The following FAM184B variants were observed in gnomAD, a reference collection of about 807,000 sequenced individuals.
The protein encoded by FAM184B is protein FAM184B.
In FAM184B, 111 loss-of-function variants were observed where a neutral mutation model predicts 135.9. The observed-to-expected ratio is 0.82, with a 90% CI of 0.70 to 0.96. The LOEUF (loss-of-function observed/expected upper bound fraction) is 0.96. FAM184B is among the 40% of genes least tolerant of loss of function. The pLI, the probability that FAM184B is intolerant of heterozygous loss-of-function variation, is 0.00. For missense variants in FAM184B, 1,375 were observed against 1,323.9 expected, an observed-to-expected ratio of 1.04 and a Z score of -0.60; for synonymous variants, 552 against 524.8, an observed-to-expected ratio of 1.05 and a Z score of -0.71.
At chr4:17,778,261 C>G (rs1439394204) in intron 1 of FAM184B, among the ~76,000 whole-genome samples, 1 of 152,158 alleles carries the variant, frequency 6.6e-6, no homozygotes, top group South Asian at 2.1e-4. Context: ...ACCAGCAACA[C>G]TTAGTACCAG....
chr4:17,716,469 A>T (rs1717403251), intron 1 of FAM184B, among the ~76,000 whole-genome samples: 2 of 151,814 alleles, frequency 1.3e-5, no homozygotes, highest in South Asian at 2.1e-4. Flanking sequence ...CAGCCTCCTG[A>T]GTACCTGGGA....
chr4:17,631,194 C>T lies in FAM184B; in HGVS notation c.*1338G>A, dbSNP rs138777171. ...AGGCAAATGGCTCAAACCCAAAGAC[C>T]AGAGGTTCAGGGGATATATATATAT... On this transcript the variant is annotated 3_prime_UTR_variant, in exon 18 of 18. Transcript: ENST00000265018. 6.6e-6 allele frequency: 1 copy of T among 152,200 alleles called. No homozygotes were observed. The highest frequency in any genetic ancestry group is 2.4e-5 in the African/African-American group (1 of 41,488). 9.4% of individuals were successfully genotyped at this position (152,200 alleles called of 1,614,324 possible).
At position 17,633,871 on chromosome 4, in the gene FAM184B, G is replaced by GTCC. The variant is rs1560162299; in HGVS notation, c.2904_2906dup (p.Glu968dup). The stretch of plus-strand genomic sequence containing the variant: ...GCACGCTGACCACGCGGCTGGGCAC[G>GTCC]TCCTCCACCTTCTTTTTCTGTTTGT... On this transcript the variant is annotated inframe_insertion, in exon 17 of 18. Transcript: ENST00000265018. The GTCC allele has an allele frequency of 1.3e-6, 2 of 1,549,234 alleles. No homozygotes were observed. The highest frequency in any genetic ancestry group is 1.7e-6 in the Non-Finnish European group (2 of 1,145,908).
chr4:17,691,685 CAAA>C (rs56857959), intron 6 of FAM184B, among the ~76,000 whole-genome samples: 42,159 of 91,874 alleles, frequency 0.46, 6,580 homozygotes, highest in South Asian at 0.52. Context: ...GATTCCATCT[CAAA>C]AAAAAAAAAA....
intron 1 of FAM184B, among the ~76,000 whole-genome samples, chr4:17,743,542 C>G (rs1329400228): frequency 1.3e-5 from 2 of 152,192 alleles, no homozygotes; most frequent in Non-Finnish European, 2.9e-5. Context: ...CCTCTTCACT[C>G]CTGCGGTGAT....
chr4:17,636,695 C>G, intron 14 of FAM184B, 50 bp from the exon 15 acceptor site: 1 of 1,404,096 alleles, frequency 7.1e-7, no homozygotes. Flanking sequence ...AATTACTCAA[C>G]AAAGAGGGAG....
chr4:17,737,468 A>G (rs1717939083), intron 1 of FAM184B, among the ~76,000 whole-genome samples: 1 of 152,186 alleles, frequency 6.6e-6, no homozygotes, highest in Admixed American at 6.5e-5. Context: ...TTAAAAAATG[A>G]TACCTGATTT....
intron 12 of FAM184B, among the ~76,000 whole-genome samples, chr4:17,645,534 C>T (rs550193456): frequency 4.0e-4 from 61 of 152,122 alleles, no homozygotes; most frequent in African/African-American, 1.4e-3. Context: ...ATGTAGAAAG[C>T]TGAAACTGGA....
intron 1 of FAM184B, 39 bp from the exon 2 acceptor site, chr4:17,709,683 G>T (rs573438964): frequency 1.4e-6 from 2 of 1,450,772 alleles, no homozygotes; most frequent in East Asian, 2.5e-5. Flanking sequence ...GGGTGAGGGG[G>T]CTGGGGTGTG....
rs1371059644 is a variant in FAM184B, at chr4:17,773,424, C to CTTGA, written c.141+7731_141+7734dup. Among the ~76,000 whole-genome samples, 6 of 152,230 alleles carry CTTGA rather than the reference C, an allele frequency of 3.9e-5. No individual in the cohort carries two copies. The East Asian group carries it at 1.2e-3, about 29-fold the overall frequency. ...CCATGAGGTTATTCGACTCCTTATA[C>CTTGA]TTGAGCTTGGCAGCTTCTGGCACTA... On this transcript the variant is annotated intron_variant, in intron 1 of 17. Transcript: ENST00000265018.
At chr4:17,659,518 G>A (rs1196033933) in intron 9 of FAM184B, among the ~76,000 whole-genome samples, 1 of 151,808 alleles carries the variant, frequency 6.6e-6, no homozygotes, top group Non-Finnish European at 1.5e-5. Context: ...ACAGAGTCTT[G>A]CTCTGTCACC....
intron 5 of FAM184B, among the ~76,000 whole-genome samples, chr4:17,701,060 A>T (rs1445503685): frequency 6.6e-6 from 1 of 152,220 alleles, no homozygotes; most frequent in Non-Finnish European, 1.5e-5. Context: ...TTTGACAGTG[A>T]GACTGCTCTC....
At chr4:17,742,161 TA>T (rs1553841685) in intron 1 of FAM184B, among the ~76,000 whole-genome samples, 210 of 27,612 alleles carry the variant, frequency 7.6e-3, no homozygotes, top group African/African-American at 0.014. Flanking sequence ...TATATATATA[TA>T]TATATATTTT....
intron 16 of FAM184B, 78 bp from the exon 17 acceptor site, chr4:17,633,966 C>CT: frequency 1.7e-6 from 2 of 1,159,328 alleles, no homozygotes; most frequent in Non-Finnish European, 2.3e-6. Context: ...GCAAATAATG[C>CT]TCACCCAATC....
At position 17,632,004 on chromosome 4, in the gene FAM184B, T is replaced by C. The variant is rs1714960462; in HGVS notation, c.*528A>G. Reference sequence around the variant, plus strand: ...GGTCATTAGTAACGCTAATAACATTTTCCTATAGATGACTTTTAATAACAC... The same window carrying C: ...GGTCATTAGTAACGCTAATAACATTCTCCTATAGATGACTTTTAATAACAC... On this transcript the variant is annotated 3_prime_UTR_variant, in exon 18 of 18. Transcript: ENST00000265018. 1 of 151,452 alleles carries C rather than the reference T, an allele frequency of 6.6e-6. No individual in the cohort carries two copies. Among genetic ancestry groups the C allele is most frequent in the Non-Finnish European group, 1.5e-5 (1 of 67,950 alleles). 9.4% of individuals were successfully genotyped at this position (151,452 alleles called of 1,614,324 possible).
intron 1 of FAM184B, among the ~76,000 whole-genome samples, chr4:17,710,289 A>C (rs184579712): frequency 6.6e-5 from 10 of 152,098 alleles, no homozygotes; most frequent in African/African-American, 2.4e-4. Flanking sequence ...ACACCATTGC[A>C]CTCCAGCCTG....
chr4:17,676,059 CA>C lies in FAM184B; in HGVS notation c.1597-11401del, dbSNP rs1716303458. Among the ~76,000 whole-genome samples, 6 of 152,344 alleles carry C rather than the reference CA, an allele frequency of 3.9e-5. No individual in the cohort carries two copies. In the South Asian group the frequency reaches 1.2e-3, roughly 32 times the overall value. On this transcript the variant is annotated intron_variant, in intron 7 of 17. Transcript: ENST00000265018. ...ATTCACAACTTGGCTAACTGTTCAGCACAAGATGCCTAGCTTAGGCCTGTCT... is the reference window on the plus strand; with the variant it reads ...ATTCACAACTTGGCTAACTGTTCAGCCAAGATGCCTAGCTTAGGCCTGTCT...
chr4:17,763,917 T>A (rs1021171229), intron 1 of FAM184B, among the ~76,000 whole-genome samples: 3 of 152,162 alleles, frequency 2.0e-5, no homozygotes, highest in African/African-American at 7.2e-5. Flanking sequence ...CTTTTTTGGA[T>A]CTAGCTTGGC....
chr4:17,674,650 G>A lies in FAM184B; in HGVS notation c.1597-9991C>T, dbSNP rs187637679. ...GATACCATTTTGCTCACAGTAGAAC[G>A]TCTTTAAAAATTGGAGGCAATCCTC... On this transcript the variant is annotated intron_variant, in intron 7 of 17. Transcript: ENST00000265018. 1.2e-4 allele frequency among the ~76,000 whole-genome samples: 19 copies of A among 152,270 alleles called. No individual in the cohort carries two copies. The East Asian group carries it at 3.1e-3, about 25-fold the overall frequency.
Sources: gnomAD v4.1 joint callset for allele counts (sites outside exome capture counted in the v4.1 genomes callset) on GRCh38, gnomAD v4.1.1 for gene constraint, MANE v1.5 for transcripts, NCBI Gene and HGNC (gene_info 2026-07-23, HGNC 2026-07-21) for gene names.